Variants in KSR2 observed in about 807,000 individuals in gnomAD.
The protein encoded by KSR2 is kinase suppressor of ras 2.
A neutral mutation model predicts 107.8 loss-of-function variants in KSR2; 25 were observed. The ratio of observed to expected loss-of-function variants is 0.23; its 90% CI spans 0.17 to 0.32. The LOEUF (loss-of-function observed/expected upper bound fraction) is 0.32. Among genes scored for constraint, KSR2 ranks in the 10% least tolerant of loss-of-function variants. The pLI is 1.00. For synonymous variants in KSR2, 480 were observed against 507.0 expected, an observed-to-expected ratio of 0.95 and a Z score of 0.71; for missense variants, 887 against 1,268.9, an observed-to-expected ratio of 0.70 and a Z score of 4.57.
rs1370269604 is a variant in KSR2 at position 117,454,456 on chromosome 12, T to C, written c.*12743A>G. 2.0e-5 allele frequency: 3 copies of C among 152,272 alleles called. No homozygotes were observed. Among genetic ancestry groups the C allele is most frequent in the Non-Finnish European group, 2.9e-5 (2 of 68,054 alleles). 9.4% of individuals were successfully genotyped at this position (152,272 alleles called of 1,614,324 possible). On this transcript the variant is annotated 3_prime_UTR_variant, in exon 20 of 20. Transcript: ENST00000339824. ...CGGTCAGCAAAGATGCTTTGTTTTCTGTCTTTCAAACCCTGACATATTTAT... is the reference window on the plus strand; with the variant it reads ...CGGTCAGCAAAGATGCTTTGTTTTCCGTCTTTCAAACCCTGACATATTTAT...
intron 1 of KSR2, among the ~76,000 whole-genome samples, chr12:117,948,597 C>A (rs1203139629): frequency 6.6e-6 from 1 of 151,864 alleles, no homozygotes; most frequent in Non-Finnish European, 1.5e-5. Context: ...CAGAAGTAGA[C>A]TATAAATACA....
chr12:117,959,949 A>C (rs1896613704), intron 1 of KSR2, among the ~76,000 whole-genome samples: 1 of 151,730 alleles, frequency 6.6e-6, no homozygotes, highest in African/African-American at 2.4e-5. Context: ...AAAAAAAAAA[A>C]AACTTCAAGT....
intron 4 of KSR2, among the ~76,000 whole-genome samples, chr12:117,674,685 A>G (rs747873999): frequency 4.6e-5 from 7 of 152,216 alleles, no homozygotes; most frequent in Non-Finnish European, 8.8e-5. Flanking sequence ...TCACCACTAA[A>G]TGACTTTTTA....
intron 10 of KSR2, among the ~76,000 whole-genome samples, chr12:117,538,100 G>C (rs537972142): frequency 1.2e-5 from 1 of 81,962 alleles, no homozygotes; most frequent in African/African-American, 5.9e-5. Context: ...GAAGTCTAAC[G>C]GTCTTTTTTT....
At chr12:117,611,117 A>G (rs191399446) in intron 5 of KSR2, among the ~76,000 whole-genome samples, 15 of 152,290 alleles carry the variant, frequency 9.8e-5, no homozygotes, top group Admixed American at 7.2e-4. Context: ...TTGTCTATAA[A>G]CCTAAAATAG....
intron 5 of KSR2, among the ~76,000 whole-genome samples, chr12:117,601,295 T>TGG (rs5801243): frequency 0.091 from 12,056 of 132,828 alleles, 764 homozygotes; most frequent in Non-Finnish European, 0.12. Flanking sequence ...TCCAAGATCT[T>TGG]GGGGGGGGGG....
chr12:117,831,847 G>T (rs2137116351), intron 3 of KSR2, among the ~76,000 whole-genome samples: 1 of 152,318 alleles, frequency 6.6e-6, no homozygotes, highest in South Asian at 2.1e-4. Flanking sequence ...ATAAATGCTG[G>T]TTAAAGCTGA....
chr12:117,688,831 C>T (rs1390546854), intron 4 of KSR2, among the ~76,000 whole-genome samples: 4 of 152,212 alleles, frequency 2.6e-5, no homozygotes, highest in Non-Finnish European at 5.9e-5. Flanking sequence ...TCTGCCTTCC[C>T]CACTGGAAAA....
At chr12:117,514,424 C>T (rs761360908) in intron 14 of KSR2, among the ~76,000 whole-genome samples, 4 of 152,136 alleles carry the variant, frequency 2.6e-5, no homozygotes, top group Non-Finnish European at 4.4e-5. Flanking sequence ...CAGACTGTGT[C>T]CCTCCTCTGG....
At chr12:117,572,081 C>A (rs537879488) in intron 7 of KSR2, among the ~76,000 whole-genome samples, 2 of 152,312 alleles carry the variant, frequency 1.3e-5, no homozygotes, top group South Asian at 4.2e-4. Context: ...CGCTCTCCCC[C>A]AGTCCCTGCC....
chr12:117,662,891 C>T (rs1046385008), intron 5 of KSR2, among the ~76,000 whole-genome samples: 1 of 152,200 alleles, frequency 6.6e-6, no homozygotes, highest in African/African-American at 2.4e-5. Flanking sequence ...CAGAGATGTC[C>T]AGGATGAATG....
At chr12:117,832,051 G>A (rs558260975) in intron 3 of KSR2, among the ~76,000 whole-genome samples, 41 of 152,306 alleles carry the variant, frequency 2.7e-4, no homozygotes, top group Middle Eastern at 3.4e-3. Context: ...TTGGGAGGCC[G>A]AGGCGGGCAG....
chr12:117,872,874 C>T (rs1053254338), intron 1 of KSR2, among the ~76,000 whole-genome samples: 2 of 152,174 alleles, frequency 1.3e-5, no homozygotes, highest in Admixed American at 6.6e-5. Flanking sequence ...ACAATAGGCT[C>T]ATTTTCCAAG....
At chr12:117,558,143 A>G (rs891869038) in intron 8 of KSR2, among the ~76,000 whole-genome samples, 1 of 152,136 alleles carries the variant, frequency 6.6e-6, no homozygotes, top group Admixed American at 6.5e-5. Flanking sequence ...GAGAACACAC[A>G]ATGGAAAAAC....
intron 5 of KSR2, among the ~76,000 whole-genome samples, chr12:117,662,328 A>C (rs1468569831): frequency 1.3e-5 from 2 of 152,148 alleles, no homozygotes; most frequent in African/African-American, 4.8e-5. Context: ...CTTGGCCTTA[A>C]GCCTCATTAA....
intron 6 of KSR2, 88 bp from the exon 7 acceptor site, chr12:117,579,290 C>A: frequency 3.3e-6 from 3 of 908,654 alleles, no homozygotes; most frequent in South Asian, 2.8e-5. Context: ...AGAGCAAGCA[C>A]ATGAACCCTG....
chr12:117,636,951 A>AC (rs1883114581), intron 5 of KSR2, among the ~76,000 whole-genome samples: 1 of 146,486 alleles, frequency 6.8e-6, no homozygotes, highest in East Asian at 1.9e-4. Context: ...CTAAAAGTCA[A>AC]TAAAAAAAAA....
chr12:117,486,992 G>C, intron 14 of KSR2, among the ~76,000 whole-genome samples: 1 of 151,458 alleles, frequency 6.6e-6, no homozygotes, highest in African/African-American at 2.4e-5. Context: ...TGTGACCTTG[G>C]GTGGGTGCAT....
At chr12:117,543,757 TCA>T in intron 9 of KSR2, among the ~76,000 whole-genome samples, 1 of 152,312 alleles carries the variant, frequency 6.6e-6, no homozygotes, top group East Asian at 1.9e-4. Flanking sequence ...ATTTATTCTC[TCA>T]CAATTTTGGA....
Sources: allele counts gnomAD v4.1 joint callset (sites outside exome capture counted in the v4.1 genomes callset), GRCh38; gene constraint gnomAD v4.1.1; transcripts MANE v1.5; gene names NCBI Gene and HGNC (gene_info 2026-07-23, HGNC 2026-07-21).